RBFOX1: variants seen among roughly 807,000 people sequenced by gnomAD.
RBFOX1 encodes RNA binding fox-1 homolog 1, also known as RNA binding protein fox-1 homolog 1.
A neutral mutation model predicts 57.7 loss-of-function variants in RBFOX1; 8 were observed. That is an observed-to-expected ratio of 0.14 (90% CI 0.08 to 0.25). The LOEUF is 0.25. Among genes scored for constraint, RBFOX1 ranks in the 10% least tolerant of loss-of-function variants. The pLI is 1.00. For missense variants in RBFOX1, 611 were observed against 548.5 expected (o/e 1.11, Z -1.14); for synonymous variants, 326 against 222.4 (o/e 1.47, Z -4.15).
At chr16:6,170,178 A>G (rs2096949464) in intron 1 of RBFOX1, among the ~76,000 whole-genome samples, 1 of 152,202 alleles carries the variant, frequency 6.6e-6, no homozygotes, top group Non-Finnish European at 1.5e-5. Flanking sequence ...AGGCTATGGC[A>G]TGAGGAAGGG....
chr16:6,344,398 C>CTTTTTTTCCT (rs2085012180), intron 2 of RBFOX1, among the ~76,000 whole-genome samples: 1 of 71,960 alleles, frequency 1.4e-5, no homozygotes, highest in South Asian at 3.9e-4. Flanking sequence ...CTTCTTTTTT[C>CTTTTTTTCCT]TTTTTTTTCT....
chr16:6,650,545 T>C (rs936497704), intron 2 of RBFOX1, among the ~76,000 whole-genome samples: 2 of 152,184 alleles, frequency 1.3e-5, no homozygotes, highest in East Asian at 3.9e-4. Flanking sequence ...TTGTCGAATG[T>C]TGGTAATTTA....
intron 3 of RBFOX1, among the ~76,000 whole-genome samples, chr16:6,952,914 G>A (rs2081055210): frequency 6.6e-6 from 1 of 152,082 alleles, no homozygotes; most frequent in South Asian, 2.1e-4. Context: ...GGTGGAGGTT[G>A]CAGTGAGCCT....
chr16:5,409,330 C>T (rs568506827), intron 1 of RBFOX1, among the ~76,000 whole-genome samples: 4 of 152,314 alleles, frequency 2.6e-5, no homozygotes, highest in Admixed American at 1.3e-4. Context: ...AGCTCACTGA[C>T]CTCCTTCAAG....
intron 3 of RBFOX1, among the ~76,000 whole-genome samples, chr16:6,802,077 A>C (rs1264644380): frequency 6.6e-6 from 1 of 151,960 alleles, no homozygotes; most frequent in Non-Finnish European, 1.5e-5. Flanking sequence ...GATCCCAGTA[A>C]AACTTGTTTA....
At chr16:6,994,572 T>A (rs180925861) in intron 3 of RBFOX1, among the ~76,000 whole-genome samples, 17 of 152,282 alleles carry the variant, frequency 1.1e-4, no homozygotes, top group Non-Finnish European at 1.6e-4. Flanking sequence ...TAAAATTTCA[T>A]GTTGGGTCCA....
intron 3 of RBFOX1, among the ~76,000 whole-genome samples, chr16:6,853,098 C>T (rs1024991505): frequency 2.0e-5 from 3 of 152,134 alleles, no homozygotes; most frequent in African/African-American, 4.8e-5. Flanking sequence ...TCTATCCCTC[C>T]CTCCATATAT....
At chr16:6,250,226 T>C (rs2097597707) in intron 1 of RBFOX1, among the ~76,000 whole-genome samples, 2 of 152,222 alleles carry the variant, frequency 1.3e-5, no homozygotes, top group Non-Finnish European at 2.9e-5. Context: ...TTCTTCTTTA[T>C]ACATTCTGTT....
intron 3 of RBFOX1, among the ~76,000 whole-genome samples, chr16:5,711,731 G>A (rs1461523905): frequency 6.6e-6 from 1 of 152,196 alleles, no homozygotes; most frequent in Non-Finnish European, 1.5e-5. Flanking sequence ...TCAATAAAAG[G>A]TGGTAAGCAA....
At chr16:5,773,216 G>A (rs1383901042) in intron 3 of RBFOX1, among the ~76,000 whole-genome samples, 1 of 152,174 alleles carries the variant, frequency 6.6e-6, no homozygotes, top group African/African-American at 2.4e-5. Context: ...GGCTAGTTAA[G>A]AGGTTATTGC....
chr16:6,334,443 G>A (rs1315038011), intron 2 of RBFOX1, among the ~76,000 whole-genome samples: 1 of 147,726 alleles, frequency 6.8e-6, no homozygotes, highest in Non-Finnish European at 1.5e-5. Context: ...AGGAGGTCTA[G>A]GTTGCAGTGA....
intron 4 of RBFOX1, among the ~76,000 whole-genome samples, chr16:7,268,625 T>C (rs147081281): frequency 3.3e-5 from 5 of 152,314 alleles, no homozygotes; most frequent in East Asian, 1.9e-4. Context: ...CTTGTGATTA[T>C]TGTAAGTTCT....
At chr16:7,547,993 G>A (rs7203146) in intron 5 of RBFOX1, among the ~76,000 whole-genome samples, 57,856 of 152,106 alleles carry the variant, frequency 0.38, 12,608 homozygotes, top group East Asian at 0.69. Context: ...GCATTTGCCC[G>A]TGTGTAGTGC....
intron 12 of RBFOX1, among the ~76,000 whole-genome samples, chr16:7,654,539 A>G (rs1209998468): frequency 2.6e-5 from 4 of 152,170 alleles, no homozygotes; most frequent in African/African-American, 7.2e-5. Flanking sequence ...TGTGGGAACA[A>G]TGCAGATTAG....
intron 1 of RBFOX1, among the ~76,000 whole-genome samples, chr16:5,380,723 G>A (rs1294782940): frequency 1.3e-5 from 2 of 152,176 alleles, no homozygotes; most frequent in Non-Finnish European, 2.9e-5. Flanking sequence ...AAAGACACAC[G>A]TCTAGTAAGG....
intron 4 of RBFOX1, among the ~76,000 whole-genome samples, chr16:7,314,412 T>C (rs1031906261): frequency 2.0e-5 from 3 of 152,162 alleles, no homozygotes; most frequent in Non-Finnish European, 4.4e-5. Context: ...ATCAAAAGAA[T>C]TTAGTGCTTT....
intron 2 of RBFOX1, among the ~76,000 whole-genome samples, chr16:6,447,909 C>A (rs2094516565): frequency 6.6e-6 from 1 of 152,106 alleles, no homozygotes; most frequent in African/African-American, 2.4e-5. Flanking sequence ...AGTGACATCA[C>A]ACACGCTGTC....
At chr16:5,904,454 C>T (rs60979849) in intron 4 of RBFOX1, among the ~76,000 whole-genome samples, 1 of 151,724 alleles carries the variant, frequency 6.6e-6, no homozygotes, top group African/African-American at 2.4e-5. Flanking sequence ...ATATGGGGAA[C>T]CTCCTCGCTA....
At chr16:7,386,700 A>G (rs1344460066) in intron 4 of RBFOX1, among the ~76,000 whole-genome samples, 1 of 152,052 alleles carries the variant, frequency 6.6e-6, no homozygotes, top group African/African-American at 2.4e-5. Context: ...GTGTGCATGT[A>G]TCTTTATAGT....
Sources: allele counts gnomAD v4.1 joint callset (sites outside exome capture counted in the v4.1 genomes callset), GRCh38; gene constraint gnomAD v4.1.1; transcripts MANE v1.5; gene names NCBI Gene and HGNC (gene_info 2026-07-23, HGNC 2026-07-21).